Variants in PCDHGA4 observed in about 807,000 individuals in gnomAD.
PCDHGA4 encodes the protein protocadherin gamma-A4.
PCDHGA4 carries 38 observed loss-of-function variants against 54.6 expected under a neutral mutation model. That is an observed-to-expected ratio of 0.70 (90% CI 0.54 to 0.91). PCDHGA4 has a LOEUF of 0.91. Among genes scored for constraint, PCDHGA4 ranks in the 40% least tolerant of loss-of-function variants. The pLI is 0.00. For missense variants in PCDHGA4, 1,298 were observed against 1,220.9 expected (o/e 1.06, Z -0.94); for synonymous variants, 511 against 512.9 (o/e 1.00, Z 0.05).
chr5:141,360,844 G>A (rs1164038678), intron 1 of PCDHGA4: 1 of 1,613,980 alleles, frequency 6.2e-7, no homozygotes, highest in South Asian at 1.1e-5. Context: ...GGATGCCAAC[G>A]ATAACCCTCC....
intron 1 of PCDHGA4, chr5:141,409,421 G>C (rs1381290106): frequency 6.2e-7 from 1 of 1,614,044 alleles, no homozygotes; most frequent in South Asian, 1.1e-5. Context: ...ACTGGTGACA[G>C]ATGGAGCCCT....
Position 141,489,898 on chromosome 5 carries a change from C to T in PCDHGA4, c.2515-4909C>T. On this transcript the variant is annotated intron_variant, in intron 1 of 3. Transcript: ENST00000571252. The surrounding 1 kb of genome is among the most constrained non-coding windows in gnomAD (Gnocchi z 4.5). ...GCTTACTGCTGTGGATGGGGGGACC[C>T]CAGCCCGCTCAGGGACCACCCTTAT... 6.2e-7 allele frequency: 1 copy of T among 1,614,216 alleles called. No homozygotes were observed. Among genetic ancestry groups the T allele is most frequent in the Non-Finnish European group, 8.5e-7 (1 of 1,180,036 alleles).
chr5:141,492,122 C>G (rs2154587050), intron 1 of PCDHGA4, among the ~76,000 whole-genome samples: 1 of 152,328 alleles, frequency 6.6e-6, no homozygotes, highest in Admixed American at 6.5e-5. Context: ...GATTTCTCCC[C>G]AGCTCCCAGC....
At chr5:141,509,376 C>A (rs2099876528) in intron 3 of PCDHGA4, among the ~76,000 whole-genome samples, 1 of 152,122 alleles carries the variant, frequency 6.6e-6, no homozygotes, top group African/African-American at 2.4e-5. Flanking sequence ...TTAACTGTCT[C>A]CTAACCACAG....
intron 1 of PCDHGA4, chr5:141,414,324 T>G (rs2095735584): frequency 6.2e-7 from 1 of 1,613,758 alleles, no homozygotes; most frequent in South Asian, 1.1e-5. Context: ...CTGAGCAGAA[T>G]GGACAGGTAA....
At chr5:141,389,281 G>T in intron 1 of PCDHGA4, 2 of 1,614,012 alleles carry the variant, frequency 1.2e-6, no homozygotes, top group Non-Finnish European at 1.7e-6. Context: ...AACCCGCCTG[G>T]AGCCTCTATT....
At chr5:141,427,304 C>G in intron 1 of PCDHGA4, 1 of 456,910 alleles carries the variant, frequency 2.2e-6, no homozygotes. Flanking sequence ...ATGAGAATGA[C>G]AATGCCCCAG....
chr5:141,387,764 AT>A, intron 1 of PCDHGA4: 1 of 1,430,464 alleles, frequency 7.0e-7, no homozygotes, highest in East Asian at 2.5e-5. Context: ...AAAAAGAAGA[AT>A]TTTTTCTTGA....
At chr5:141,403,612 G>A (rs1314297922) in intron 1 of PCDHGA4, 1 of 1,613,854 alleles carries the variant, frequency 6.2e-7, no homozygotes, top group Non-Finnish European at 8.5e-7. Flanking sequence ...GCGGCGAGCC[G>A]CGTCGCTCCA....
intron 1 of PCDHGA4, chr5:141,408,244 G>A (rs746604555): frequency 6.3e-7 from 1 of 1,585,990 alleles, no homozygotes; most frequent in Non-Finnish European, 8.6e-7. Context: ...CCGGCCCGCG[G>A]CAGGTGCTAT....
chr5:141,432,250 A>C lies in PCDHGA4; in HGVS notation c.2515-62557A>C, dbSNP rs777728825. ...ATTCCCTGGCTGAGAACACCATCCA[A>C]GGGGCAAGCCTATCGTCCTACGTGT... On this transcript the variant is annotated intron_variant, in intron 1 of 3. Coordinates refer to ENST00000571252, the MANE Select transcript of PCDHGA4 (RefSeq NM_018917.4). This position sits in a 1 kb window ranked among gnomAD's most constrained non-coding sequence, Gnocchi z 6.0. 2 of 1,614,116 alleles carry C rather than the reference A, an allele frequency of 1.2e-6. No homozygotes were observed. The highest frequency in any genetic ancestry group is 1.7e-6 in the Non-Finnish European group (2 of 1,180,062).
intron 1 of PCDHGA4, among the ~76,000 whole-genome samples, chr5:141,464,076 C>A (rs561982216): frequency 3.1e-4 from 47 of 152,132 alleles, no homozygotes; most frequent in African/African-American, 9.4e-4. Context: ...GCCAGCCTGG[C>A]CAACATGGTG....
At chr5:141,488,564 G>T (rs1047904416) in intron 1 of PCDHGA4, among the ~76,000 whole-genome samples, 1 of 152,154 alleles carries the variant, frequency 6.6e-6, no homozygotes, top group African/African-American at 2.4e-5. Context: ...TGAGATTTCC[G>T]CAAAGCATTG....
intron 1 of PCDHGA4, among the ~76,000 whole-genome samples, chr5:141,483,164 T>C (rs1051456583): frequency 1.1e-4 from 17 of 152,148 alleles, no homozygotes; most frequent in Non-Finnish European, 2.5e-4. Context: ...AGATCCTGAG[T>C]TACCTTTGGG....
rs979750945 is a variant in PCDHGA4 at position 141,478,807 on chromosome 5, A to G, written c.2515-16000A>G. The G allele has an allele frequency of 3.4e-6, 5 of 1,459,258 alleles. No homozygotes were observed. The African/African-American group carries it at 5.7e-5, about 17-fold the overall frequency. 90.4% of individuals were successfully genotyped at this position (1,459,258 alleles called of 1,614,324 possible). On this transcript the variant is annotated intron_variant, in intron 1 of 3. Transcript: ENST00000571252. The stretch of plus-strand genomic sequence containing the variant: ...TTCACATCCTCAGCACTCTTTTGCT[A>G]TCACAACTAACCAATCTTGCTAAGG...
At chr5:141,360,672 T>G (rs1209548747) in intron 1 of PCDHGA4, 1 of 1,614,002 alleles carries the variant, frequency 6.2e-7, no homozygotes, top group East Asian at 2.2e-5. Flanking sequence ...AGTACTTTGA[T>G]CTCGCTGAGA....
chr5:141,501,290 T>TACACATAC (rs1224133816), intron 2 of PCDHGA4, among the ~76,000 whole-genome samples: 1,510 of 136,196 alleles, frequency 0.011, 8 homozygotes, highest in Admixed American at 0.014. Flanking sequence ...TATTCCCTTA[T>TACACATAC]ACACACACAC....
In PCDHGA4 at chr5:141,355,079, A is replaced by G; in HGVS notation, c.-29A>G. 7.1e-7 allele frequency: 1 copy of G among 1,415,968 alleles called. No homozygotes were observed. The highest frequency in any genetic ancestry group is 9.4e-7 in the Non-Finnish European group (1 of 1,060,636). 87.7% of individuals were successfully genotyped at this position (1,415,968 alleles called of 1,614,324 possible). ...GCTCTGGAGCTTTATGAAAGCTTCAAGCGGAAGCCCTGAGAGCTCTGGCTG... is the reference window on the plus strand; with the variant it reads ...GCTCTGGAGCTTTATGAAAGCTTCAGGCGGAAGCCCTGAGAGCTCTGGCTG... On this transcript the variant is annotated 5_prime_UTR_variant, in exon 1 of 4. Coordinates refer to ENST00000571252, the MANE Select transcript of PCDHGA4 (RefSeq NM_018917.4).
intron 1 of PCDHGA4, chr5:141,404,062 T>G: frequency 6.2e-7 from 1 of 1,613,906 alleles, no homozygotes; most frequent in African/African-American, 1.3e-5. Flanking sequence ...TTCTTTTCAA[T>G]GCTCATGACC....
Sources: gnomAD v4.1 joint callset for allele counts (sites outside exome capture counted in the v4.1 genomes callset) on GRCh38, gnomAD v4.1.1 for gene constraint, Gnocchi (gnomAD v3.1) non-coding constraint, MANE v1.5 for transcripts, NCBI Gene and HGNC (gene_info 2026-07-23, HGNC 2026-07-21) for gene names.